The following WDR26 variants were observed in gnomAD, a reference collection of about 807,000 sequenced individuals.
The protein encoded by WDR26 is WD repeat domain 26.
WDR26 carries 5 observed loss-of-function variants against 84.1 expected under a neutral mutation model. The ratio of observed to expected loss-of-function variants is 0.06; its 90% CI spans 0.03 to 0.13. WDR26 has a LOEUF of 0.13. Among genes scored for constraint, WDR26 ranks in the 10% least tolerant of loss-of-function variants. The pLI is 1.00. For missense variants in WDR26, 642 were observed against 974.9 expected (o/e 0.66, Z 4.55); for synonymous variants, 415 against 389.6 (o/e 1.07, Z -0.77).
intron 12 of WDR26, among the ~76,000 whole-genome samples, chr1:224,395,200 A>G (rs1173255448): frequency 6.6e-6 from 1 of 152,160 alleles, no homozygotes. Flanking sequence ...ACCTCATATC[A>G]TGTTGTTATA....
rs746571984 is a variant in WDR26 at position 224,389,815 on chromosome 1, C to T, written c.*20G>A. ...GACTAATTTTAAGTTAAACAGAAGT[C>T]GTCTGCTCCAAATTCACCATCAACT... is the stretch of plus-strand genomic sequence containing the variant. On this transcript the variant is annotated 3_prime_UTR_variant, in exon 14 of 14. Transcript: ENST00000414423. 14 of 1,506,830 alleles carry T rather than the reference C, an allele frequency of 9.3e-6. No homozygotes were observed. The highest frequency in any genetic ancestry group is 5.6e-5 in the South Asian group (5 of 89,428). The allele number at this position is 1,506,830 out of a possible 1,614,324, so 93.3% of individuals were successfully genotyped here. A position where few individuals can be genotyped will look rare whatever the true frequency, so the allele number is the denominator to read the frequency against.
chr1:224,417,920 T>C (rs537597704), intron 6 of WDR26, among the ~76,000 whole-genome samples: 1 of 152,330 alleles, frequency 6.6e-6, no homozygotes, highest in South Asian at 2.1e-4. Flanking sequence ...TGTCTTCTAC[T>C]AAAAAGCAGA....
chr1:224,413,469 T>C, intron 6 of WDR26: 1 of 293,366 alleles, frequency 3.4e-6, no homozygotes, highest in East Asian at 8.1e-5. Flanking sequence ...TTAATATTAC[T>C]ACTATACATG....
chr1:224,434,686 G>T lies in WDR26; in HGVS notation c.-281C>A. 1.1e-6 allele frequency: 1 copy of T among 909,046 alleles called. No homozygotes were observed. Among genetic ancestry groups the T allele is most frequent in the Non-Finnish European group, 1.3e-6 (1 of 762,122 alleles). 56.3% of individuals were successfully genotyped at this position (909,046 alleles called of 1,614,324 possible). On this transcript the variant is annotated 5_prime_UTR_variant, in exon 1 of 14. Coordinates refer to ENST00000414423, the MANE Select transcript of WDR26 (RefSeq NM_001379403.1). ...GCCGCTGGGCTGAGCCCCGGCAGTG[G>T]CTGCGGCGGCGGCGGCGGCGGGCGG...
intron 9 of WDR26, among the ~76,000 whole-genome samples, chr1:224,399,466 G>T (rs570633752): frequency 1.3e-5 from 2 of 152,272 alleles, no homozygotes; most frequent in South Asian, 4.1e-4. Context: ...CAGACTGGAG[G>T]AATCTGTTAA....
At chr1:224,404,693 A>G (rs773365642) in intron 7 of WDR26, 123 bp from the exon 8 acceptor site, 2 of 1,210,194 alleles carry the variant, frequency 1.7e-6, no homozygotes, top group Admixed American at 2.7e-5. Context: ...TTTTCAGACC[A>G]ATTTTCCCTT....
chr1:224,428,410 T>G (rs1229357743), intron 3 of WDR26, among the ~76,000 whole-genome samples: 1 of 152,182 alleles, frequency 6.6e-6, no homozygotes, highest in Non-Finnish European at 1.5e-5. Flanking sequence ...ATATCTAAAC[T>G]TGGCACTCAA....
intron 4 of WDR26, among the ~76,000 whole-genome samples, chr1:224,421,467 G>A (rs1008945573): frequency 2.0e-5 from 3 of 152,192 alleles, no homozygotes; most frequent in African/African-American, 7.2e-5. Flanking sequence ...GTGCATGCCT[G>A]TAATCCCAGC....
At chr1:224,401,368 A>T (rs1331239679) in intron 8 of WDR26, among the ~76,000 whole-genome samples, 1 of 152,208 alleles carries the variant, frequency 6.6e-6, no homozygotes, top group Non-Finnish European at 1.5e-5. Flanking sequence ...TAAAACATGT[A>T]ATTTTTCCCA....
intron 3 of WDR26, among the ~76,000 whole-genome samples, chr1:224,428,593 C>T (rs1490324213): frequency 6.6e-6 from 1 of 151,908 alleles, no homozygotes; most frequent in Non-Finnish European, 1.5e-5. Context: ...ATATTTGAAC[C>T]CAAACTAAAA....
In WDR26 at chr1:224,431,778, C is replaced by T. The variant is rs757016382; in HGVS notation, c.726G>A (p.Gln242=). Residue 242 remains glutamine (Q), a synonymous_variant, in exon 2 of 14, where the codon CAG becomes CAA. Transcript: ENST00000414423. ...ACTCTTGCATGAGGAGATCAACAGT[C>T]TGGCTGCAGGAAAGATACAGTGTAA... 3 of 1,608,206 alleles carry T rather than the reference C, an allele frequency of 1.9e-6. No homozygotes were observed. The highest frequency in any genetic ancestry group is 2.2e-5 in the South Asian group (2 of 90,672).
chr1:224,434,616 TCGCGCCGGGG>T lies in WDR26; in HGVS notation c.-221_-212del, dbSNP rs899871415. Reference sequence around the variant, plus strand: ...CAGCTCGGGGTGCGCGGCCCGGGGGTCGCGCCGGGGGGCGCCGCGGGGCGGCTGCGGGGGC... The same window carrying T: ...CAGCTCGGGGTGCGCGGCCCGGGGGTGGCGCCGCGGGGCGGCTGCGGGGGC... On this transcript the variant is annotated 5_prime_UTR_variant, in exon 1 of 14. Transcript: ENST00000414423. 8.7e-6 allele frequency: 4 copies of T among 460,708 alleles called. No individual in the cohort carries two copies. In the African/African-American group the frequency reaches 1.1e-4, roughly 13 times the overall value. The allele number at this position is 460,708 out of a possible 1,614,324, so 28.5% of individuals were successfully genotyped here. A position where few individuals can be genotyped will look rare whatever the true frequency, so the allele number is the denominator to read the frequency against.
chr1:224,413,252 C>A, intron 6 of WDR26: 1 of 1,171,376 alleles, frequency 8.5e-7, no homozygotes, highest in South Asian at 1.6e-5. Flanking sequence ...AATGGATACA[C>A]CTTTAAGTGT....
chr1:224,432,948 T>A (rs1028831710), intron 1 of WDR26, among the ~76,000 whole-genome samples: 2 of 152,250 alleles, frequency 1.3e-5, no homozygotes, highest in African/African-American at 4.8e-5. Context: ...ACCTAAATTG[T>A]ATTTGAAAAC....
rs1672991652 is a variant in WDR26, at chr1:224,386,330, G to A, written c.*3505C>T. On this transcript the variant is annotated 3_prime_UTR_variant, in exon 14 of 14. Coordinates refer to ENST00000414423, the MANE Select transcript of WDR26 (RefSeq NM_001379403.1). ...AAATATTTATACATTTTAGAGATGG[G>A]ACAAAAAGGATATTAAGAAAAATGT... is the stretch of plus-strand genomic sequence containing the variant. 1.3e-5 allele frequency: 2 copies of A among 152,532 alleles called. No homozygotes were observed. Among genetic ancestry groups the A allele is most frequent in the South Asian group, 4.1e-4 (2 of 4,826 alleles). The allele number at this position is 152,532 out of a possible 1,614,324, so 9.4% of individuals were successfully genotyped here.
At position 224,386,660 on chromosome 1, in the gene WDR26, G is replaced by A. The variant is rs1672998314; in HGVS notation, c.*3175C>T. 1 of 152,166 alleles carries A rather than the reference G, an allele frequency of 6.6e-6. No homozygotes were observed. Among genetic ancestry groups the A allele is most frequent in the Non-Finnish European group, 1.5e-5 (1 of 67,966 alleles). The allele number at this position is 152,166 out of a possible 1,614,324, so 9.4% of individuals were successfully genotyped here. On this transcript the variant is annotated 3_prime_UTR_variant, in exon 14 of 14. Transcript: ENST00000414423. ...AGACTAAGAAAATACTGACAAAATT[G>A]GATTTTTTTCTCCTTTCAATTGCAG...
At chr1:224,408,357 C>T (rs563577153) in intron 7 of WDR26, among the ~76,000 whole-genome samples, 3 of 152,276 alleles carry the variant, frequency 2.0e-5, no homozygotes, top group Admixed American at 6.5e-5. Context: ...CTATAAATTA[C>T]GGTGTATTAT....
At chr1:224,415,970 T>C (rs1424273621) in intron 6 of WDR26, among the ~76,000 whole-genome samples, 1 of 152,196 alleles carries the variant, frequency 6.6e-6, no homozygotes, top group Admixed American at 6.5e-5. Flanking sequence ...TCTGGTATTA[T>C]GTTAGCTACA....
chr1:224,404,237 C>A (rs532797254), intron 8 of WDR26, among the ~76,000 whole-genome samples, 193 bp downstream of exon 8: 4 of 152,188 alleles, frequency 2.6e-5, no homozygotes, highest in African/African-American at 4.8e-5. Flanking sequence ...ATCATTCTTC[C>A]AAAAATATAT....
Sources: allele counts gnomAD v4.1 joint callset (sites outside exome capture counted in the v4.1 genomes callset), GRCh38; gene constraint gnomAD v4.1.1; transcripts MANE v1.5; gene names NCBI Gene and HGNC (gene_info 2026-07-23, HGNC 2026-07-21).